Variants in GRIA4 observed in about 807,000 individuals in gnomAD.
GRIA4 encodes the protein glutamate receptor 4.
In GRIA4, 34 loss-of-function variants were observed where a neutral mutation model predicts 104.0. The observed-to-expected ratio is 0.33, with a 90% CI of 0.25 to 0.44. The LOEUF (loss-of-function observed/expected upper bound fraction) is 0.44, where lower values mean the gene tolerates loss of function less well. Among genes scored for constraint, GRIA4 ranks in the 20% least tolerant of loss-of-function variants. The pLI, the probability that GRIA4 is intolerant of heterozygous loss-of-function variation, is 1.00. For synonymous variants in GRIA4, 386 were observed against 381.9 expected, an observed-to-expected ratio of 1.01 and a Z score of -0.13; for missense variants, 750 against 1,096.5, an observed-to-expected ratio of 0.68 and a Z score of 4.46.
chr11:105,691,438 T>C (rs1417117204), intron 3 of GRIA4, among the ~76,000 whole-genome samples: 2 of 152,216 alleles, frequency 1.3e-5, no homozygotes, highest in Non-Finnish European at 2.9e-5. Flanking sequence ...AATTTTCTCA[T>C]GAAAATCTAA....
rs892502673 is a variant in GRIA4 at position 105,981,492 on chromosome 11, C to T, written c.*1753C>T. 7 of 152,112 alleles carry T rather than the reference C, an allele frequency of 4.6e-5. No homozygotes were observed. Among genetic ancestry groups the T allele is most frequent in the Non-Finnish European group, 8.8e-5 (6 of 68,032 alleles). The allele number at this position is 152,112 out of a possible 1,614,324, so 9.4% of individuals were successfully genotyped here. A position where few individuals can be genotyped will look rare whatever the true frequency, so the allele number is the denominator to read the frequency against. On this transcript the variant is annotated 3_prime_UTR_variant, in exon 17 of 17. Coordinates refer to ENST00000282499, the MANE Select transcript of GRIA4 (RefSeq NM_000829.4). ...GGATTGATTTTCTTCCATCAACTCT[C>T]AAGATCCCATTCGCCATTCAATCTC...
chr11:105,687,136 C>G (rs1952907264), intron 3 of GRIA4, among the ~76,000 whole-genome samples: 1 of 151,962 alleles, frequency 6.6e-6, no homozygotes, highest in African/African-American at 2.4e-5. Context: ...TAAATTATTT[C>G]CAAAGACTGA....
intron 4 of GRIA4, among the ~76,000 whole-genome samples, chr11:105,813,077 G>A (rs1233385717): frequency 1.6e-5 from 2 of 121,974 alleles, no homozygotes; most frequent in Non-Finnish European, 3.2e-5. Flanking sequence ...CTGGGCAACA[G>A]AGTGAGACTC....
intron 5 of GRIA4, among the ~76,000 whole-genome samples, chr11:105,871,317 A>G (rs1210929160): frequency 1.3e-5 from 2 of 152,042 alleles, no homozygotes; most frequent in Non-Finnish European, 1.5e-5. Context: ...TTGCTAGTCA[A>G]TATGAATAAT....
intron 3 of GRIA4, among the ~76,000 whole-genome samples, chr11:105,633,701 C>T (rs1951098717): frequency 6.6e-6 from 1 of 152,168 alleles, no homozygotes; most frequent in South Asian, 2.1e-4. Context: ...ACAAATTCTA[C>T]ATTCTTAAGA....
At chr11:105,644,275 T>G (rs1047599416) in intron 3 of GRIA4, among the ~76,000 whole-genome samples, 6 of 151,900 alleles carry the variant, frequency 3.9e-5, no homozygotes, top group Admixed American at 6.6e-5. Context: ...AGCTCAGTGG[T>G]CTATAATTGT....
intron 14 of GRIA4, among the ~76,000 whole-genome samples, chr11:105,936,886 G>A (rs1215020598): frequency 6.6e-6 from 1 of 152,142 alleles, no homozygotes; most frequent in Non-Finnish European, 1.5e-5. Context: ...TCAGACTAGT[G>A]TTTGCTGGAC....
intron 3 of GRIA4, among the ~76,000 whole-genome samples, chr11:105,634,662 C>T (rs1262451334): frequency 6.6e-6 from 1 of 152,120 alleles, no homozygotes; most frequent in Non-Finnish European, 1.5e-5. Context: ...GACTGTAACC[C>T]AAGTCTCTGT....
intron 5 of GRIA4, among the ~76,000 whole-genome samples, chr11:105,879,323 C>T (rs374640112): frequency 2.0e-5 from 3 of 152,194 alleles, no homozygotes; most frequent in African/African-American, 4.8e-5. Context: ...CAGACCGGAG[C>T]TGTTCCTATT....
intron 10 of GRIA4, among the ~76,000 whole-genome samples, chr11:105,918,204 T>A (rs1947463628): frequency 6.6e-6 from 1 of 152,140 alleles, no homozygotes; most frequent in Non-Finnish European, 1.5e-5. Context: ...GAGACAAGCA[T>A]CTTGCCAAAC....
chr11:105,664,446 T>C (rs756636521), intron 3 of GRIA4, among the ~76,000 whole-genome samples: 18 of 151,008 alleles, frequency 1.2e-4, no homozygotes, highest in Non-Finnish European at 2.5e-4. Context: ...GAATAATGTG[T>C]TTGATTTATA....
chr11:105,783,950 C>T (rs1321103775), intron 4 of GRIA4, among the ~76,000 whole-genome samples: 1 of 152,162 alleles, frequency 6.6e-6, no homozygotes, highest in Non-Finnish European at 1.5e-5. Context: ...TTAAATGTAA[C>T]CGAATTATTA....
At chr11:105,882,420 A>C (rs1308080820) in intron 5 of GRIA4, among the ~76,000 whole-genome samples, 1 of 152,174 alleles carries the variant, frequency 6.6e-6, no homozygotes, top group African/African-American at 2.4e-5. Flanking sequence ...AGTACTTTAT[A>C]AACTATTGAT....
chr11:105,614,232 A>G (rs1177249545), intron 3 of GRIA4: 2 of 151,602 alleles, frequency 1.3e-5, no homozygotes, highest in East Asian at 1.9e-4. Flanking sequence ...AGTGGCAGAT[A>G]TATGTTTTAT....
chr11:105,716,940 T>A (rs972852166), intron 3 of GRIA4, among the ~76,000 whole-genome samples: 8 of 152,086 alleles, frequency 5.3e-5, no homozygotes, highest in Non-Finnish European at 8.8e-5. Flanking sequence ...GTTGCTCTAA[T>A]CCATAAAAAA....
At chr11:105,957,686 A>G (rs1431309253) in intron 14 of GRIA4, among the ~76,000 whole-genome samples, 1 of 152,208 alleles carries the variant, frequency 6.6e-6, no homozygotes, top group Non-Finnish European at 1.5e-5. Context: ...CATTGAATCT[A>G]TAAATCACCT....
chr11:105,826,393 C>T (rs190719519), intron 4 of GRIA4, among the ~76,000 whole-genome samples: 12 of 152,160 alleles, frequency 7.9e-5, no homozygotes, highest in Admixed American at 7.9e-4. Context: ...CTAGTCAATG[C>T]CTCATCTATG....
intron 4 of GRIA4, among the ~76,000 whole-genome samples, chr11:105,787,472 C>CTTT (rs67901321): frequency 0.019 from 1,869 of 98,524 alleles, 78 homozygotes; most frequent in East Asian, 0.053. Context: ...TAAAGAATTC[C>CTTT]TTTTTTTTTT....
intron 5 of GRIA4, among the ~76,000 whole-genome samples, chr11:105,863,465 C>T (rs1456033858): frequency 1.3e-5 from 2 of 151,878 alleles, no homozygotes; most frequent in Admixed American, 6.6e-5. Flanking sequence ...ATACATTACT[C>T]GGGCTTATTC....
Sources: allele counts gnomAD v4.1 joint callset (sites outside exome capture counted in the v4.1 genomes callset), GRCh38; gene constraint gnomAD v4.1.1; transcripts MANE v1.5; gene names NCBI Gene and HGNC (gene_info 2026-07-23, HGNC 2026-07-21).